IMMP1L: variants seen among roughly 807,000 people sequenced by gnomAD.
IMMP1L encodes the protein inner mitochondrial membrane peptidase subunit 1.
In IMMP1L, 24 loss-of-function variants were observed where a neutral mutation model predicts 21.8. The observed-to-expected ratio is 1.10, with a 90% CI of 0.80 to 1.55. The LOEUF is 1.55. Among genes scored for constraint, IMMP1L ranks in the 40% most tolerant of loss-of-function variants. IMMP1L has a pLI of 0.00. For synonymous variants in IMMP1L, 46 were observed against 62.8 expected (o/e 0.73, Z 1.26); for missense variants, 195 against 200.7 (o/e 0.97, Z 0.17).
chr11:31,458,342 C>T (rs1356694183), intron 3 of IMMP1L, among the ~76,000 whole-genome samples: 3 of 151,992 alleles, frequency 2.0e-5, no homozygotes. Context: ...ACACAGTAAG[C>T]TTTTGAAAAC....
chr11:31,481,060 TATG>T (rs1954877923), intron 1 of IMMP1L, among the ~76,000 whole-genome samples: 1 of 152,122 alleles, frequency 6.6e-6, no homozygotes. Context: ...CCGCGTTCCA[TATG>T]ATAACACACC....
At chr11:31,499,039 A>T (rs1201252064) in intron 1 of IMMP1L, among the ~76,000 whole-genome samples, 1 of 152,080 alleles carries the variant, frequency 6.6e-6, no homozygotes, top group African/African-American at 2.4e-5. Flanking sequence ...CTGGTTCAAA[A>T]CTGCAGATAA....
intron 3 of IMMP1L, among the ~76,000 whole-genome samples, chr11:31,457,571 AC>A (rs1237442879): frequency 6.6e-6 from 1 of 152,226 alleles, no homozygotes; most frequent in Non-Finnish European, 1.5e-5. Flanking sequence ...GAAATCAGAA[AC>A]CTAATAACTG....
At chr11:31,481,619 T>C (rs1954893016) in intron 1 of IMMP1L, among the ~76,000 whole-genome samples, 1 of 151,928 alleles carries the variant, frequency 6.6e-6, no homozygotes, top group African/African-American at 2.4e-5. Flanking sequence ...AAAAACACTT[T>C]TCTACAACAT....
At chr11:31,449,218 T>C (rs1953654543) in intron 4 of IMMP1L, 1 of 272,842 alleles carries the variant, frequency 3.7e-6, no homozygotes, top group African/African-American at 2.3e-5. Context: ...GCCCTTTCAA[T>C]CTGATGATTC....
At position 31,501,415 on chromosome 11, in the gene IMMP1L, T is replaced by A. The variant is rs549257761; in HGVS notation, c.-30+8104A>T. Among the ~76,000 whole-genome samples, 38 of 152,282 alleles carry A rather than the reference T, an allele frequency of 2.5e-4. 1 individual carries two copies. In the South Asian group the frequency reaches 7.0e-3, roughly 28 times the overall value. ...TGAGATTGAGGCTGAGAGTTGACTC[T>A]TGTTCTCTCTTGCTCTCTCTTGGGC... is the stretch of plus-strand genomic sequence containing the variant. On this transcript the variant is annotated intron_variant, in intron 1 of 5. Transcript: ENST00000532287.
chr11:31,498,809 C>T (rs759248307), intron 1 of IMMP1L, among the ~76,000 whole-genome samples: 1 of 152,170 alleles, frequency 6.6e-6, no homozygotes, highest in African/African-American at 2.4e-5. Flanking sequence ...TCTGAACACA[C>T]TCATCTATAA....
intron 4 of IMMP1L, among the ~76,000 whole-genome samples, chr11:31,448,481 C>T (rs1310798540): frequency 1.3e-5 from 2 of 152,120 alleles, no homozygotes; most frequent in Admixed American, 1.3e-4. Context: ...TTTTAAGCAA[C>T]TTTAAAGTAC....
intron 1 of IMMP1L, among the ~76,000 whole-genome samples, chr11:31,496,763 T>C (rs1470870448): frequency 1.3e-5 from 2 of 148,554 alleles, no homozygotes; most frequent in Non-Finnish European, 3.0e-5. Context: ...ACATATGTAA[T>C]CTGATATAGG....
chr11:31,435,299 T>A (rs1223079), intron 4 of IMMP1L, among the ~76,000 whole-genome samples: 58,519 of 152,024 alleles, frequency 0.38, 14,525 homozygotes, highest in African/African-American at 0.71. Flanking sequence ...TTGCCTGCCC[T>A]TACCAACCTG....
rs560481526 is a variant in IMMP1L, at chr11:31,452,630, T to C, written c.321+3630A>G. 8.1e-6 allele frequency: 8 copies of C among 986,040 alleles called. No individual in the cohort carries two copies. In the South Asian group the frequency reaches 2.8e-4, roughly 35 times the overall value. 61.1% of individuals were successfully genotyped at this position (986,040 alleles called of 1,614,324 possible). A position where few individuals can be genotyped will look rare whatever the true frequency, so the allele number is the denominator to read the frequency against. The stretch of plus-strand genomic sequence containing the variant: ...CTGAGCTTATGACAATTTGTTTCTT[T>C]TGAGAGTCACAAATTAATCTCATAT... On this transcript the variant is annotated intron_variant, in intron 4 of 5. Coordinates refer to ENST00000532287, the MANE Select transcript of IMMP1L (RefSeq NM_001304274.2).
intron 1 of IMMP1L, among the ~76,000 whole-genome samples, chr11:31,487,248 C>G (rs1351406364): frequency 2.0e-5 from 3 of 151,934 alleles, no homozygotes; most frequent in African/African-American, 7.3e-5. Flanking sequence ...TCTCCACAAT[C>G]CTAATTAAAA....
chr11:31,468,292 G>A (rs1954429492), intron 1 of IMMP1L, among the ~76,000 whole-genome samples: 1 of 152,044 alleles, frequency 6.6e-6, no homozygotes, highest in Non-Finnish European at 1.5e-5. Context: ...GATAAACAAG[G>A]AATTATTTTG....
chr11:31,503,734 C>T (rs1955697311), intron 1 of IMMP1L, among the ~76,000 whole-genome samples: 1 of 152,118 alleles, frequency 6.6e-6, no homozygotes, highest in Non-Finnish European at 1.5e-5. Context: ...TTAATAGAAG[C>T]AAACAGATTT....
At position 31,439,006 on chromosome 11, in the gene IMMP1L, TTGCTGTTTTTTATAA is replaced by T. The variant is rs146668241; in HGVS notation, c.322-5451_322-5437del. 9.5e-3 allele frequency among the ~76,000 whole-genome samples: 1,449 copies of T among 152,304 alleles called. 27 individuals carry two copies. Among genetic ancestry groups the T allele is most frequent in the African/African-American group, 0.033 (1,390 of 41,572 alleles). ...ACTTTAAAGATTTCATTTTCTTTTC[TTGCTGTTTTTTATAA>T]TAGATCAGCAGAAACTCCTTGTTCT... On this transcript the variant is annotated intron_variant, in intron 4 of 5. Coordinates refer to ENST00000532287, the MANE Select transcript of IMMP1L (RefSeq NM_001304274.2).
At chr11:31,497,803 A>T (rs1955503589) in intron 1 of IMMP1L, among the ~76,000 whole-genome samples, 1 of 152,200 alleles carries the variant, frequency 6.6e-6, no homozygotes, top group Non-Finnish European at 1.5e-5. Flanking sequence ...AGTGGCAATG[A>T]TTACACAACA....
intron 2 of IMMP1L, among the ~76,000 whole-genome samples, chr11:31,461,508 T>C (rs368429645): frequency 2.6e-5 from 4 of 152,330 alleles, no homozygotes; most frequent in African/African-American, 9.6e-5. Context: ...ATCTGAAGTC[T>C]TAAATGCTCT....
intron 4 of IMMP1L, among the ~76,000 whole-genome samples, chr11:31,443,216 A>G (rs1953400001): frequency 6.6e-6 from 1 of 152,188 alleles, no homozygotes; most frequent in African/African-American, 2.4e-5. Flanking sequence ...ATAATTTATT[A>G]GTATTTTTCT....
intron 1 of IMMP1L, among the ~76,000 whole-genome samples, chr11:31,504,087 T>C (rs1955708924): frequency 6.6e-6 from 1 of 151,972 alleles, no homozygotes; most frequent in Admixed American, 6.6e-5. Context: ...TCAATTCCAA[T>C]AAAGTACAGA....
Sources: gnomAD v4.1 joint callset for allele counts (sites outside exome capture counted in the v4.1 genomes callset) on GRCh38, gnomAD v4.1.1 for gene constraint, MANE v1.5 for transcripts, NCBI Gene and HGNC (gene_info 2026-07-23, HGNC 2026-07-21) for gene names.